The following FHOD3 variants were observed in gnomAD, a reference collection of about 807,000 sequenced individuals.
FHOD3 encodes the protein formin homology 2 domain containing 3.
In FHOD3, 90 loss-of-function variants were observed where a neutral mutation model predicts 173.0. The observed-to-expected ratio is 0.52, with a 90% confidence interval of 0.44 to 0.62. FHOD3 has a LOEUF of 0.62. Ranked by LOEUF, FHOD3 falls within the 20% of genes least tolerant of loss-of-function variation. The pLI is 0.00. For missense variants in FHOD3, 1,945 were observed against 2,034.7 expected (o/e 0.96, Z 0.85); for synonymous variants, 828 against 823.0 (o/e 1.01, Z -0.10).
chr18:36,333,490 T>G (rs1598743158), intron 1 of FHOD3, among the ~76,000 whole-genome samples: 1 of 152,260 alleles, frequency 6.6e-6, no homozygotes, highest in Admixed American at 6.5e-5. Flanking sequence ...TCTGCCTTTT[T>G]GGGTTTATAA....
At chr18:36,533,423 G>A (rs1035013512) in intron 5 of FHOD3, among the ~76,000 whole-genome samples, 4 of 152,228 alleles carry the variant, frequency 2.6e-5, no homozygotes, top group Admixed American at 6.5e-5. Context: ...TGTCCTGAGC[G>A]TGTGCTCTTC....
intron 3 of FHOD3, among the ~76,000 whole-genome samples, chr18:36,494,050 T>A (rs76026938): frequency 6.6e-6 from 1 of 152,316 alleles, no homozygotes; most frequent in East Asian, 1.9e-4. Context: ...TTCCTCCCCC[T>A]ACATATTCTT....
intron 14 of FHOD3, among the ~76,000 whole-genome samples, chr18:36,664,040 C>T (rs1165444203): frequency 6.6e-6 from 1 of 151,896 alleles, no homozygotes; most frequent in Non-Finnish European, 1.5e-5. Context: ...TGCTGGATCC[C>T]AGATGCTTGC....
At chr18:36,372,286 C>G (rs540648850) in intron 2 of FHOD3, among the ~76,000 whole-genome samples, 1 of 152,110 alleles carries the variant, frequency 6.6e-6, no homozygotes, top group Non-Finnish European at 1.5e-5. Context: ...TATATCTGCC[C>G]CCAACCCCAC....
In FHOD3 at chr18:36,744,062, A is replaced by G; in HGVS notation, c.3910A>G (p.Lys1304Glu). Residue 1304 changes from lysine to glutamate, a missense_variant, in exon 23 of 29, where the codon AAG becomes GAG. By Grantham distance (56) the Lys-to-Glu change is moderately conservative. Around this residue, in one of 5 missense-constraint regions of FHOD3, gnomAD observed 231 missense variants for 321.9 expected, o/e 0.72. Transcript: ENST00000590592. ...AGCGTTTGAGTTAAGCTACCTCGAG[A>G]AGGTTCCAGAAGTCAAAGACACAGT... ...AKAFELSYLE[K>E]VPEVKDTVHK... is the part of the protein sequence containing the mutation. The G allele has an allele frequency of 6.2e-7, 1 of 1,614,146 alleles. No individual in the cohort carries two copies. Among genetic ancestry groups the G allele is most frequent in the Non-Finnish European group, 8.5e-7 (1 of 1,180,030 alleles).
At chr18:36,641,914 C>T (rs1015161456) in intron 10 of FHOD3, among the ~76,000 whole-genome samples, 2 of 150,594 alleles carry the variant, frequency 1.3e-5, no homozygotes, top group African/African-American at 4.9e-5. Context: ...GATTGCGCCA[C>T]TGCACTCCAG....
chr18:36,534,759 T>A (rs184507294), intron 5 of FHOD3, among the ~76,000 whole-genome samples: 1 of 152,332 alleles, frequency 6.6e-6, no homozygotes, highest in Non-Finnish European at 1.5e-5. Flanking sequence ...TCCCCTGTTT[T>A]ACAAAGCGCT....
intron 6 of FHOD3, among the ~76,000 whole-genome samples, chr18:36,581,861 A>G (rs192624320): frequency 1.7e-4 from 26 of 151,890 alleles, no homozygotes; most frequent in African/African-American, 5.1e-4. Flanking sequence ...GGAGTGGTGG[A>G]GGAGGGGAAA....
In FHOD3 at chr18:36,742,915, C is replaced by T; in HGVS notation, c.3879+59C>T. On this transcript the variant is annotated intron_variant, in intron 22 of 28. Transcript: ENST00000590592. ...CCCTTGTCACAAAATCCCTGCCCAG[C>T]AATTGCTGATGAAGGTTGTACCTCA... is the stretch of plus-strand genomic sequence containing the variant. The T allele has an allele frequency of 2.5e-6, 4 of 1,571,678 alleles. No individual in the cohort carries two copies. The South Asian group carries it at 4.8e-5, about 19-fold the overall frequency.
intron 14 of FHOD3, among the ~76,000 whole-genome samples, chr18:36,676,450 C>T (rs1017600164): frequency 1.3e-5 from 2 of 152,092 alleles, no homozygotes; most frequent in Non-Finnish European, 2.9e-5. Context: ...TTCTAATTAA[C>T]CACTAGCAAG....
chr18:36,760,908 A>G lies in FHOD3; in HGVS notation c.4624+126A>G, dbSNP rs1036833192. ...CCTCGGCTCCAGTGCCAACCTAACC[A>G]CACACATTCCCTCACTAGCGTCTTC... On this transcript the variant is annotated intron_variant, in intron 27 of 28. Transcript: ENST00000590592. 6.5e-5 allele frequency: 62 copies of G among 956,590 alleles called. 1 individual carries two copies. The South Asian group carries it at 1.1e-3, about 17-fold the overall frequency. The allele number at this position is 956,590 out of a possible 1,614,324, so 59.3% of individuals were successfully genotyped here.
intron 1 of FHOD3, among the ~76,000 whole-genome samples, chr18:36,314,669 T>C (rs1216603867): frequency 1.3e-5 from 2 of 152,196 alleles, no homozygotes; most frequent in African/African-American, 4.8e-5. Flanking sequence ...TGCCAAGGCC[T>C]CCAGATGGCC....
chr18:36,738,847 T>TA (rs1186820510), intron 20 of FHOD3, among the ~76,000 whole-genome samples: 1 of 152,236 alleles, frequency 6.6e-6, no homozygotes, highest in African/African-American at 2.4e-5. Flanking sequence ...TTTTATTTAT[T>TA]AAAGTCAGGT....
chr18:36,689,404 C>G (rs2038822779), intron 16 of FHOD3, among the ~76,000 whole-genome samples: 1 of 152,272 alleles, frequency 6.6e-6, no homozygotes, highest in Middle Eastern at 3.4e-3. Flanking sequence ...AGGTTTGTAT[C>G]ATGTAACTGT....
At chr18:36,699,604 C>G (rs1029629395) in intron 17 of FHOD3, among the ~76,000 whole-genome samples, 1 of 152,198 alleles carries the variant, frequency 6.6e-6, no homozygotes, top group Admixed American at 6.5e-5. Context: ...TGTCCATGCT[C>G]AAGATCTTAA....
chr18:36,309,570 C>A (rs1162205762), intron 1 of FHOD3, among the ~76,000 whole-genome samples: 1 of 152,192 alleles, frequency 6.6e-6, no homozygotes, highest in African/African-American at 2.4e-5. Context: ...AGGCTCCTGA[C>A]CGCAGCTTCT....
At chr18:36,549,640 C>G (rs1344821816) in intron 5 of FHOD3, among the ~76,000 whole-genome samples, 2 of 145,230 alleles carry the variant, frequency 1.4e-5, no homozygotes, top group South Asian at 4.3e-4. Flanking sequence ...CAGGTTCATG[C>G]CATTCTCCTG....
At chr18:36,589,948 G>A (rs925889908) in intron 6 of FHOD3, among the ~76,000 whole-genome samples, 3 of 152,144 alleles carry the variant, frequency 2.0e-5, no homozygotes, top group Non-Finnish European at 4.4e-5. Context: ...CCACGTGAAG[G>A]CATGCCAGGC....
intron 5 of FHOD3, among the ~76,000 whole-genome samples, chr18:36,542,788 T>A (rs1311957869): frequency 6.6e-6 from 1 of 152,142 alleles, no homozygotes; most frequent in African/African-American, 2.4e-5. Flanking sequence ...ACACCTGTAT[T>A]TGCTAAGAGA....
Sources: gnomAD v4.1 joint callset for allele counts (sites outside exome capture counted in the v4.1 genomes callset) on GRCh38, gnomAD v4.1.1 for gene constraint, gnomAD v4.1.1 regional missense constraint, MANE v1.5 for transcripts, NCBI Gene and HGNC (gene_info 2026-07-23, HGNC 2026-07-21) for gene names.